BAZ2B: variants seen among roughly 807,000 people sequenced by gnomAD.
The protein encoded by BAZ2B is bromodomain adjacent to zinc finger domain 2B.
BAZ2B carries 91 observed loss-of-function variants against 246.0 expected under a neutral mutation model. The observed-to-expected ratio is 0.37, with a 90% confidence interval of 0.31 to 0.44. The LOEUF (loss-of-function observed/expected upper bound fraction) is 0.44. Among genes scored for constraint, BAZ2B ranks in the 20% least tolerant of loss-of-function variants. BAZ2B has a pLI of 1.00. For missense variants in BAZ2B, 2,332 were observed against 2,533.7 expected, an observed-to-expected ratio of 0.92 and a Z score of 1.71; for synonymous variants, 855 against 860.0, an observed-to-expected ratio of 0.99 and a Z score of 0.10.
At chr2:159,370,724 T>C (rs896356850) in intron 27 of BAZ2B, among the ~76,000 whole-genome samples, 5 of 152,120 alleles carry the variant, frequency 3.3e-5, no homozygotes, top group African/African-American at 1.2e-4. Flanking sequence ...AATTAGATCC[T>C]ATACTAAAAC....
chr2:159,346,107 A>G (rs190201310), intron 31 of BAZ2B, among the ~76,000 whole-genome samples: 2 of 152,324 alleles, frequency 1.3e-5, no homozygotes, highest in East Asian at 3.9e-4. Context: ...AGGCACTTTT[A>G]TACTGTATTA....
intron 30 of BAZ2B, among the ~76,000 whole-genome samples, chr2:159,348,153 T>C: frequency 6.6e-6 from 1 of 151,180 alleles, no homozygotes; most frequent in Non-Finnish European, 1.5e-5. Context: ...GCCCTGTCTC[T>C]ACAAAAAATA....
intron 3 of BAZ2B, chr2:159,462,476 C>T (rs1008930482): frequency 2.4e-5 from 26 of 1,071,536 alleles, no homozygotes; most frequent in East Asian, 7.1e-5. Context: ...CGGAAGCTGC[C>T]GGCGCAAGAC....
the BAZ2B span, among the ~76,000 whole-genome samples, chr2:159,637,693 G>A: frequency 2.3e-3 from 357 of 152,256 alleles, 2 homozygotes; most frequent in Non-Finnish European, 4.5e-3. Flanking sequence ...AAGTAGCTGG[G>A]ACTACAGGCG....
intron 27 of BAZ2B, 92 bp from the exon 28 acceptor site, chr2:159,350,449 A>C: frequency 1.6e-6 from 2 of 1,233,896 alleles, no homozygotes. Context: ...AATTATATGC[A>C]TAAATACTTA....
intron 2 of BAZ2B, among the ~76,000 whole-genome samples, chr2:159,538,186 A>G (rs970505926): frequency 3.3e-5 from 5 of 152,038 alleles, no homozygotes; most frequent in Non-Finnish European, 7.4e-5. Flanking sequence ...TAGTAGAAAC[A>G]GGGCTTTCAC....
intron 31 of BAZ2B, among the ~76,000 whole-genome samples, chr2:159,345,369 A>G (rs1485158863): frequency 6.6e-6 from 1 of 152,120 alleles, no homozygotes; most frequent in Non-Finnish European, 1.5e-5. Flanking sequence ...AATGTTTGAG[A>G]TAATGAATAT....
the BAZ2B span, among the ~76,000 whole-genome samples, chr2:159,649,884 A>G: frequency 6.6e-6 from 1 of 152,214 alleles, no homozygotes; most frequent in African/African-American, 2.4e-5. Context: ...GGTGTCCCAC[A>G]GCTTAGTGCT....
intron 26 of BAZ2B, 45 bp from the exon 27 acceptor site, chr2:159,373,234 G>A (rs779301293): frequency 3.2e-6 from 5 of 1,542,690 alleles, no homozygotes; most frequent in African/African-American, 1.4e-5. Flanking sequence ...GATGTTAAAT[G>A]CTTTAAAAAT....
At chr2:159,679,043 C>A in the BAZ2B span, among the ~76,000 whole-genome samples, 1 of 152,034 alleles carries the variant, frequency 6.6e-6, no homozygotes, top group Non-Finnish European at 1.5e-5. Context: ...GAGGCCGAGG[C>A]GGGCGGATCA....
At chr2:159,525,275 A>G (rs1455039855) in intron 2 of BAZ2B, among the ~76,000 whole-genome samples, 1 of 152,180 alleles carries the variant, frequency 6.6e-6, no homozygotes, top group Non-Finnish European at 1.5e-5. Context: ...CACTGGATAT[A>G]TTCTGAGAAT....
chr2:159,434,822 A>G (rs1215793593), intron 8 of BAZ2B: 1 of 152,116 alleles, frequency 6.6e-6, no homozygotes, highest in African/African-American at 2.4e-5. Context: ...AACAATTTAG[A>G]AAAATACAAT....
intron 31 of BAZ2B, among the ~76,000 whole-genome samples, chr2:159,347,052 TA>T (rs1312806205): frequency 6.6e-6 from 1 of 152,180 alleles, no homozygotes; most frequent in Non-Finnish European, 1.5e-5. Flanking sequence ...GTCTGACATA[TA>T]ACAAGGCTTG....
Position 159,344,901 on chromosome 2 carries a change from A to C in BAZ2B, c.5454+2585T>G, listed in dbSNP as rs1029688440. Among the ~76,000 whole-genome samples, 7 of 152,026 alleles carry C rather than the reference A, an allele frequency of 4.6e-5. 1 individual carries two copies. Among genetic ancestry groups the C allele is most frequent in the Non-Finnish European group, 7.4e-5 (5 of 68,004 alleles). ...AGTGGGGGCAGGGAGGGATAAAGAGAGATTTGTTAAAGAATACAAAATTAC... is the reference window on the plus strand; with the variant it reads ...AGTGGGGGCAGGGAGGGATAAAGAGCGATTTGTTAAAGAATACAAAATTAC... On this transcript the variant is annotated intron_variant, in intron 31 of 36. Transcript: ENST00000392783.
intron 27 of BAZ2B, among the ~76,000 whole-genome samples, chr2:159,365,217 G>A (rs2060096766): frequency 6.6e-6 from 1 of 152,126 alleles, no homozygotes; most frequent in Non-Finnish European, 1.5e-5. Context: ...CTAAGTGGCT[G>A]TTCTAGGCTC....
At chr2:159,548,548 C>T (rs1055300357) in intron 2 of BAZ2B, among the ~76,000 whole-genome samples, 1 of 152,122 alleles carries the variant, frequency 6.6e-6, no homozygotes, top group Non-Finnish European at 1.5e-5. Flanking sequence ...CAAATAAGTA[C>T]CTAGCATCTT....
chr2:159,343,943 G>A (rs893432559), intron 31 of BAZ2B, among the ~76,000 whole-genome samples: 6 of 150,838 alleles, frequency 4.0e-5, no homozygotes, highest in Non-Finnish European at 5.9e-5. Flanking sequence ...GCAGAATGGC[G>A]GGAACCCGGG....
chr2:159,443,083 T>A (rs1412866051), intron 6 of BAZ2B, among the ~76,000 whole-genome samples: 1 of 152,174 alleles, frequency 6.6e-6, no homozygotes, highest in Non-Finnish European at 1.5e-5. Flanking sequence ...GGTAATTCAA[T>A]TTTTAATTTT....
chr2:159,636,124 G>T, the BAZ2B span, among the ~76,000 whole-genome samples: 1 of 152,164 alleles, frequency 6.6e-6, no homozygotes, highest in Non-Finnish European at 1.5e-5. Context: ...TGGCAGAATA[G>T]AAGCCTACAC....
Sources: allele counts gnomAD v4.1 joint callset (sites outside exome capture counted in the v4.1 genomes callset), GRCh38; gene constraint gnomAD v4.1.1; transcripts MANE v1.5; gene names NCBI Gene and HGNC (gene_info 2026-07-23, HGNC 2026-07-21).